The following PTPRM variants were observed in gnomAD, a reference collection of about 807,000 sequenced individuals.
PTPRM encodes protein tyrosine phosphatase receptor type M, also known as receptor-type tyrosine-protein phosphatase mu.
A neutral mutation model predicts 186.7 loss-of-function variants in PTPRM; 47 were observed. The ratio of observed to expected loss-of-function variants is 0.25; its 90% CI spans 0.20 to 0.32. The LOEUF is 0.32. PTPRM is among the 10% of genes least tolerant of loss of function. The probability of loss-of-function intolerance (pLI) is 1.00; values close to 1 mark genes in which losing one functional copy is unlikely to be tolerated. For missense variants in PTPRM, 1,494 were observed against 1,865.0 expected (o/e 0.80, Z 3.66); for synonymous variants, 668 against 674.9 (o/e 0.99, Z 0.16).
At chr18:7,735,793 A>G (rs1305835510) in intron 1 of PTPRM, among the ~76,000 whole-genome samples, 1 of 151,494 alleles carries the variant, frequency 6.6e-6, no homozygotes, top group East Asian at 1.9e-4. Flanking sequence ...CATCTAATCT[A>G]CCTAACAAGA....
chr18:8,263,447 C>G (rs2043107585), intron 19 of PTPRM, among the ~76,000 whole-genome samples: 1 of 152,152 alleles, frequency 6.6e-6, no homozygotes, highest in South Asian at 2.1e-4. Flanking sequence ...CTTTACATTT[C>G]TTATTTAACC....
intron 2 of PTPRM, among the ~76,000 whole-genome samples, chr18:7,881,765 T>A (rs2048521202): frequency 6.6e-6 from 1 of 152,158 alleles, no homozygotes; most frequent in African/African-American, 2.4e-5. Flanking sequence ...CGTGGCCTAT[T>A]GGCACCCTTT....
intron 1 of PTPRM, among the ~76,000 whole-genome samples, chr18:7,593,450 G>A (rs965494980): frequency 6.6e-6 from 1 of 152,142 alleles, no homozygotes; most frequent in African/African-American, 2.4e-5. Flanking sequence ...CTCACATTAT[G>A]GAAATGTACT....
chr18:8,053,562 T>C (rs1360889085), intron 7 of PTPRM, among the ~76,000 whole-genome samples: 1 of 152,192 alleles, frequency 6.6e-6, no homozygotes, highest in Admixed American at 6.5e-5. Context: ...TACTGTAGCT[T>C]TTAAATAACT....
At chr18:7,583,507 A>T (rs889178736) in intron 1 of PTPRM, among the ~76,000 whole-genome samples, 4 of 152,192 alleles carry the variant, frequency 2.6e-5, no homozygotes, top group African/African-American at 9.7e-5. Context: ...TGGCTTAAGA[A>T]TTTGGTACAG....
chr18:8,033,909 T>A (rs1164381033), intron 7 of PTPRM, among the ~76,000 whole-genome samples: 1 of 152,192 alleles, frequency 6.6e-6, no homozygotes, highest in Non-Finnish European at 1.5e-5. Flanking sequence ...TCAGAAGCTT[T>A]AGGGGAGATT....
chr18:8,094,526 A>C (rs1490634886), intron 11 of PTPRM, among the ~76,000 whole-genome samples: 1 of 152,122 alleles, frequency 6.6e-6, no homozygotes, highest in African/African-American at 2.4e-5. Context: ...TGAGCCTGGG[A>C]GTGCAAGACC....
chr18:8,401,100 C>T (rs770239353), intron 32 of PTPRM, among the ~76,000 whole-genome samples: 5 of 152,010 alleles, frequency 3.3e-5, no homozygotes, highest in South Asian at 2.1e-4. Context: ...ACCAGCCAAG[C>T]GCCTGGCTCC....
intron 1 of PTPRM, among the ~76,000 whole-genome samples, chr18:7,598,481 T>C (rs1399356264): frequency 1.3e-5 from 2 of 152,260 alleles, no homozygotes; most frequent in African/African-American, 4.8e-5. Flanking sequence ...GGCTTAGTTC[T>C]ATGCTCAGTT....
intron 7 of PTPRM, among the ~76,000 whole-genome samples, chr18:8,019,819 A>G (rs1267612535): frequency 1.4e-5 from 2 of 147,948 alleles, no homozygotes; most frequent in Admixed American, 1.4e-4. Flanking sequence ...AATAATATTT[A>G]TTTATAATAT....
chr18:8,284,304 C>T (rs780584752), intron 19 of PTPRM, among the ~76,000 whole-genome samples: 31 of 152,300 alleles, frequency 2.0e-4, no homozygotes, highest in African/African-American at 4.3e-4. Context: ...AATTGAACCA[C>T]GTGCCCCTAA....
intron 2 of PTPRM, among the ~76,000 whole-genome samples, chr18:7,783,719 A>G (rs1284840227): frequency 6.6e-6 from 1 of 151,058 alleles, no homozygotes; most frequent in Non-Finnish European, 1.5e-5. Flanking sequence ...CTATAGGTGC[A>G]TGCCACCATG....
chr18:8,037,885 G>C (rs566573772), intron 7 of PTPRM, among the ~76,000 whole-genome samples: 1 of 152,252 alleles, frequency 6.6e-6, no homozygotes, highest in Non-Finnish European at 1.5e-5. Context: ...GTTAGCTCCT[G>C]ATCAGTGATG....
intron 1 of PTPRM, among the ~76,000 whole-genome samples, chr18:7,731,158 T>C (rs2040651177): frequency 6.6e-6 from 1 of 152,218 alleles, no homozygotes. Context: ...CACTTCTTCA[T>C]CAAGTTGTTG....
intron 1 of PTPRM, among the ~76,000 whole-genome samples, chr18:7,713,945 C>A (rs532559434): frequency 1.2e-4 from 19 of 152,252 alleles, no homozygotes; most frequent in African/African-American, 4.6e-4. Flanking sequence ...TAACACCCCA[C>A]TGTCAATATT....
At chr18:8,396,621 G>A (rs948757021) in intron 32 of PTPRM, among the ~76,000 whole-genome samples, 4 of 152,174 alleles carry the variant, frequency 2.6e-5, no homozygotes, top group South Asian at 2.1e-4. Context: ...CGATTCTATC[G>A]TAACTTAGGA....
At chr18:7,677,823 C>T (rs559293209) in intron 1 of PTPRM, among the ~76,000 whole-genome samples, 102 of 152,250 alleles carry the variant, frequency 6.7e-4, no homozygotes, top group African/African-American at 2.4e-3. Context: ...GAGCAGTACC[C>T]ACTCCCTTGT....
intron 7 of PTPRM, among the ~76,000 whole-genome samples, chr18:8,019,763 A>G (rs1356239140): frequency 6.8e-6 from 1 of 147,898 alleles, no homozygotes; most frequent in East Asian, 1.9e-4. Context: ...ATTTATTTTT[A>G]TAATCATTTT....
chr18:7,977,799 T>C (rs2055057104), intron 7 of PTPRM, among the ~76,000 whole-genome samples: 2 of 152,260 alleles, frequency 1.3e-5, no homozygotes, highest in African/African-American at 4.8e-5. Context: ...CATAATACAG[T>C]TCTATGTCTC....
Sources: gnomAD v4.1 joint callset for allele counts (sites outside exome capture counted in the v4.1 genomes callset) on GRCh38, gnomAD v4.1.1 for gene constraint, MANE v1.5 for transcripts, NCBI Gene and HGNC (gene_info 2026-07-23, HGNC 2026-07-21) for gene names.